The following CEP128 variants were observed in gnomAD, a reference collection of about 807,000 sequenced individuals.
CEP128 encodes centrosomal protein 128kDa.
In CEP128, 132 loss-of-function variants were observed where a neutral mutation model predicts 156.7. The ratio of observed to expected loss-of-function variants is 0.84; its 90% confidence interval spans 0.73 to 0.97. The LOEUF is 0.97. Among genes scored for constraint, CEP128 ranks in the 50% least tolerant of loss-of-function variants. The pLI, the probability that CEP128 is intolerant of heterozygous loss-of-function variation, is 0.00. For missense variants in CEP128, 1,252 were observed against 1,281.9 expected (o/e 0.98, Z 0.36); for synonymous variants, 469 against 448.9 (o/e 1.04, Z -0.57).
At chr14:80,561,956 C>T (rs1890699840) in intron 20 of CEP128, among the ~76,000 whole-genome samples, 1 of 147,132 alleles carries the variant, frequency 6.8e-6, no homozygotes, top group South Asian at 2.2e-4. Flanking sequence ...GGGACAGAGT[C>T]TCACTCTGTC....
intron 19 of CEP128, among the ~76,000 whole-genome samples, chr14:80,604,844 T>C (rs1892717511): frequency 6.6e-6 from 1 of 152,090 alleles, no homozygotes; most frequent in African/African-American, 2.4e-5. Context: ...GGACTTCTGT[T>C]TCAAAAGTAG....
In CEP128 at chr14:80,831,158, C is replaced by T; in HGVS notation, c.1194G>A (p.Leu398=). The T allele has an allele frequency of 6.2e-7, 1 of 1,613,884 alleles. No homozygotes were observed. The highest frequency in any genetic ancestry group is 8.5e-7 in the Non-Finnish European group (1 of 1,179,892). The change falls in exon 13 of 25, where the codon TTG becomes TTA. Residue 398 remains leucine, a synonymous_variant. Coordinates refer to ENST00000555265, the MANE Select transcript of CEP128 (RefSeq NM_152446.5). ...GCAAAGTCACCTCTACTTGTGATGC[C>T]AAATGTGCTTTCTCCTTGTCTTTTC... ...MERKDKEKAH[L]ASQVENLTRE... is the part of the protein sequence containing the mutation.
chr14:80,746,996 G>C (rs1368977195), intron 18 of CEP128, among the ~76,000 whole-genome samples: 1 of 152,204 alleles, frequency 6.6e-6, no homozygotes, highest in Non-Finnish European at 1.5e-5. Flanking sequence ...AACATCATTA[G>C]CCATCAGGAA....
In CEP128 at chr14:80,618,924, G is replaced by T. The variant is rs917472245; in HGVS notation, c.2807-38501C>A. On this transcript the variant is annotated intron_variant, in intron 19 of 24. Coordinates refer to ENST00000555265, the MANE Select transcript of CEP128 (RefSeq NM_152446.5). ...TGGTCGATAAACCAAACTGTGAATA[G>T]TGTTGCGCTAGCTAAAGGCTGCATC... Among the ~76,000 whole-genome samples, 6 of 152,346 alleles carry T rather than the reference G, an allele frequency of 3.9e-5. No individual in the cohort carries two copies. The East Asian group carries it at 7.7e-4, about 20-fold the overall frequency.
At chr14:80,707,347 T>C (rs543158767) in intron 19 of CEP128, among the ~76,000 whole-genome samples, 1 of 152,306 alleles carries the variant, frequency 6.6e-6, no homozygotes, top group South Asian at 2.1e-4. Flanking sequence ...ATCTGCTGGA[T>C]ATCCCACTGG....
intron 19 of CEP128, among the ~76,000 whole-genome samples, chr14:80,665,589 G>A (rs1165329062): frequency 6.6e-6 from 1 of 151,984 alleles, no homozygotes; most frequent in Admixed American, 6.6e-5. Flanking sequence ...ATAATTCACA[G>A]GTTAAACATG....
chr14:80,734,819 G>A (rs1478428496), intron 19 of CEP128, among the ~76,000 whole-genome samples: 1 of 124,976 alleles, frequency 8.0e-6, no homozygotes, highest in Non-Finnish European at 1.6e-5. Flanking sequence ...CTGCACTCCA[G>A]CCTGGTGACA....
At chr14:80,501,363 C>T (rs1431673522) in intron 24 of CEP128, among the ~76,000 whole-genome samples, 2 of 152,068 alleles carry the variant, frequency 1.3e-5, no homozygotes, top group Non-Finnish European at 2.9e-5. Context: ...TCAACAACAA[C>T]ATTGGATTTT....
At chr14:80,836,412 C>T in intron 11 of CEP128, 75 bp from the exon 12 acceptor site, 1 of 1,539,352 alleles carries the variant, frequency 6.5e-7, no homozygotes, top group Non-Finnish European at 8.9e-7. Flanking sequence ...CTATTGTAAA[C>T]ACAAGTTGAA....
At chr14:80,710,933 T>C (rs1400536837) in intron 19 of CEP128, among the ~76,000 whole-genome samples, 1 of 152,138 alleles carries the variant, frequency 6.6e-6, no homozygotes, top group South Asian at 2.1e-4. Context: ...AAAATTATCG[T>C]CTGAAATCAT....
At chr14:80,729,605 C>T (rs1029999048) in intron 19 of CEP128, among the ~76,000 whole-genome samples, 2 of 151,952 alleles carry the variant, frequency 1.3e-5, no homozygotes, top group African/African-American at 4.8e-5. Flanking sequence ...AGGGAATATC[C>T]GTATTGTTTT....
At chr14:80,659,140 T>C (rs993285963) in intron 19 of CEP128, among the ~76,000 whole-genome samples, 3 of 152,162 alleles carry the variant, frequency 2.0e-5, no homozygotes, top group African/African-American at 7.2e-5. Flanking sequence ...GCAAACCTTT[T>C]ACCAGAAAAT....
intron 19 of CEP128, among the ~76,000 whole-genome samples, chr14:80,589,272 T>C (rs1891946886): frequency 1.3e-5 from 2 of 152,180 alleles, no homozygotes; most frequent in Non-Finnish European, 1.5e-5. Flanking sequence ...CAGAGGTATG[T>C]TATTTTAAGC....
intron 2 of CEP128, among the ~76,000 whole-genome samples, chr14:80,936,537 G>A (rs1341913990): frequency 6.6e-6 from 1 of 152,180 alleles, no homozygotes; most frequent in Admixed American, 6.5e-5. Context: ...AAATTTCAGA[G>A]AGGTGTGCAT....
intron 20 of CEP128, among the ~76,000 whole-genome samples, chr14:80,567,194 GT>G (rs1318592552): frequency 1.3e-5 from 2 of 152,240 alleles, no homozygotes; most frequent in East Asian, 3.9e-4. Flanking sequence ...GTGTTCTCTG[GT>G]GGGTGTTTTA....
intron 2 of CEP128, among the ~76,000 whole-genome samples, chr14:80,952,466 T>A (rs184473912): frequency 2.2e-3 from 330 of 152,082 alleles, no homozygotes; most frequent in Non-Finnish European, 3.8e-3. Context: ...ACAAATGAAA[T>A]TACAAGATAT....
chr14:80,588,112 G>A (rs1891896048), intron 19 of CEP128, among the ~76,000 whole-genome samples: 1 of 152,090 alleles, frequency 6.6e-6, no homozygotes, highest in African/African-American at 2.4e-5. Context: ...CTTAGGCCTT[G>A]TAGATTCCTG....
At chr14:80,652,388 T>C (rs937568407) in intron 19 of CEP128, among the ~76,000 whole-genome samples, 41 of 152,074 alleles carry the variant, frequency 2.7e-4, no homozygotes, top group Admixed American at 1.7e-3. Context: ...AAAGAAACTA[T>C]CATCAGAGTG....
At chr14:80,740,173 C>T (rs184105719) in intron 19 of CEP128, among the ~76,000 whole-genome samples, 1 of 151,946 alleles carries the variant, frequency 6.6e-6, no homozygotes, top group Non-Finnish European at 1.5e-5. Context: ...TCATTACTTC[C>T]CTCATTCATT....
Sources: allele counts gnomAD v4.1 joint callset (sites outside exome capture counted in the v4.1 genomes callset), GRCh38; gene constraint gnomAD v4.1.1; transcripts MANE v1.5; gene names NCBI Gene and HGNC (gene_info 2026-07-23, HGNC 2026-07-21).